Variants in OR4K1 observed in about 807,000 individuals in gnomAD.
OR4K1 encodes the protein olfactory receptor family 4 subfamily K member 1.
Under a neutral mutation model 14.4 loss-of-function variants are expected in OR4K1, and 16 were observed. That is an observed-to-expected ratio of 1.11 (90% CI 0.75 to 1.68). OR4K1 has a LOEUF of 1.68. OR4K1 is among the 40% of genes most tolerant of loss of function. The probability of loss-of-function intolerance (pLI) is 0.00; values close to 1 mark genes in which losing one functional copy is unlikely to be tolerated. For synonymous variants in OR4K1, 181 were observed against 133.1 expected, an observed-to-expected ratio of 1.36 and a Z score of -2.48; for missense variants, 548 against 376.9, an observed-to-expected ratio of 1.45 and a Z score of -3.76.
upstream of OR4K1, among the ~76,000 whole-genome samples, chr14:19,926,899 C>A (rs1188473166): frequency 6.6e-6 from 1 of 152,252 alleles, no homozygotes; most frequent in African/African-American, 2.4e-5. Context: ...CAACTGCTTA[C>A]TATTTAAAAA....
At position 19,936,658 on chromosome 14, in the gene OR4K1, A is replaced by G; in HGVS notation, c.*56A>G. 1 of 1,463,662 alleles carries G rather than the reference A, an allele frequency of 6.8e-7. No individual in the cohort carries two copies. The allele number at this position is 1,463,662 out of a possible 1,614,324, so 90.7% of individuals were successfully genotyped here. On this transcript the variant is annotated 3_prime_UTR_variant, in exon 2 of 2. Transcript: ENST00000641172. The stretch of plus-strand genomic sequence containing the variant: ...TAGAATGAAGACCCTCCAGTGTATC[A>G]TAGTGTCATGCCAACCATCTTTGCC...
rs1239516257 is a variant in OR4K1 at position 19,935,739 on chromosome 14, C to T, written c.73C>T (p.Leu25Phe). The T allele has an allele frequency of 6.2e-6, 10 of 1,613,768 alleles. No individual in the cohort carries two copies. The East Asian group carries it at 1.6e-4, about 25-fold the overall frequency. Residue 25 changes from leucine to phenylalanine, a missense_variant, in exon 2 of 2, where the codon CTT becomes TTT. Coordinates refer to ENST00000641172, the MANE Select transcript of OR4K1 (RefSeq NM_001004063.3). ...ACTCTCTAATTCCTGGGGACTTCAA[C>T]TTTTCTTTTTTGCCATCTTCTCTAT... ...LGLSNSWGLQ[L>F]FFFAIFSIVY...
chr14:19,927,724 C>A (rs1350482143), upstream of OR4K1, among the ~76,000 whole-genome samples: 2 of 152,340 alleles, frequency 1.3e-5, no homozygotes, highest in African/African-American at 2.4e-5. Context: ...CTGTATCACA[C>A]CCCTTCCTCT....
intron 1 of OR4K1, among the ~76,000 whole-genome samples, chr14:19,934,666 T>C (rs1468420249): frequency 6.6e-6 from 1 of 150,582 alleles, no homozygotes; most frequent in Non-Finnish European, 1.5e-5. Context: ...TCTTTTTTCT[T>C]CTTTTAACAT....
At chr14:19,920,494 A>G in the OR4K1 span, 1 of 1,355,882 alleles carries the variant, frequency 7.4e-7, no homozygotes, top group Non-Finnish European at 1.0e-6. Flanking sequence ...AATGCACATT[A>G]TATCTGAGAT....
At chr14:19,926,412 C>T (rs1882064777), upstream of OR4K1, among the ~76,000 whole-genome samples, 1 of 152,234 alleles carries the variant, frequency 6.6e-6, no homozygotes, top group Admixed American at 6.5e-5. Context: ...ACATTGAAGG[C>T]ATGCACTGAT....
At chr14:19,925,049 G>GTA in the OR4K1 span, among the ~76,000 whole-genome samples, 1 of 152,162 alleles carries the variant, frequency 6.6e-6, no homozygotes, top group Admixed American at 6.5e-5. Context: ...TAATAGGATA[G>GTA]TATTAAAAAT....
At chr14:19,920,963 CTATGACAGGTAT>C in the OR4K1 span, 3 of 1,614,028 alleles carry the variant, frequency 1.9e-6, no homozygotes, top group Non-Finnish European at 1.7e-6. Context: ...TTTCGATGGC[CTATGACAGGTAT>C]GTAGCCATAT....
the OR4K1 span, chr14:19,921,177 G>A: frequency 6.2e-7 from 1 of 1,614,136 alleles, no homozygotes; most frequent in Admixed American, 1.7e-5. Context: ...TGCCTGCCTG[G>A]ACTCTTACAT....
chr14:19,931,831 G>A (rs148439953), intron 1 of OR4K1, among the ~76,000 whole-genome samples: 1 of 152,358 alleles, frequency 6.6e-6, no homozygotes, highest in East Asian at 1.9e-4. Context: ...GCTTCTGGGT[G>A]CTCTGTGGAC....
the OR4K1 span, chr14:19,921,649 C>A: frequency 7.0e-7 from 1 of 1,430,082 alleles, no homozygotes; most frequent in Non-Finnish European, 9.5e-7. Context: ...TGGTGTATCT[C>A]AATTGTGGGG....
At position 19,935,839 on chromosome 14, in the gene OR4K1, C is replaced by T. The variant is rs1882298287; in HGVS notation, c.173C>T (p.Pro58Leu). The T allele has an allele frequency of 6.2e-7, 1 of 1,614,220 alleles. No individual in the cohort carries two copies. The highest frequency in any genetic ancestry group is 1.3e-5 in the African/African-American group (1 of 75,068). ...IISFDSHLNS[P>L]MYFLLSNLSF... is the part of the protein sequence containing the mutation. ...TCTTTTGACTCCCATTTGAACTCTCCTATGTACTTCTTGCTCAGTAATCTT... is the reference window on the plus strand; with the variant it reads ...TCTTTTGACTCCCATTTGAACTCTCTTATGTACTTCTTGCTCAGTAATCTT... Residue 58 changes from proline (P) to leucine (L), a missense_variant, in exon 2 of 2, where the codon CCT becomes CTT. Pro to Leu is a moderately conservative substitution (Grantham distance 98). Coordinates refer to ENST00000641172, the MANE Select transcript of OR4K1 (RefSeq NM_001004063.3).
the OR4K1 span, among the ~76,000 whole-genome samples, chr14:19,925,227 T>C: frequency 1.3e-5 from 2 of 152,208 alleles, no homozygotes; most frequent in Admixed American, 1.3e-4. Context: ...GTGTCTTGAG[T>C]TGGCTGTCAA....
At chr14:19,933,117 G>C (rs1882222956) in intron 1 of OR4K1, among the ~76,000 whole-genome samples, 1 of 151,524 alleles carries the variant, frequency 6.6e-6, no homozygotes, top group Non-Finnish European at 1.5e-5. Flanking sequence ...TTCAATTATG[G>C]AGTTTTTTTA....
upstream of OR4K1, among the ~76,000 whole-genome samples, chr14:19,929,478 A>AT (rs1378402756): frequency 4.7e-5 from 7 of 149,676 alleles, no homozygotes; most frequent in Admixed American, 2.7e-4. Context: ...AGCTTTTCTT[A>AT]TTTTTTTTGG....
intron 1 of OR4K1, among the ~76,000 whole-genome samples, chr14:19,933,364 A>G (rs1882228609): frequency 6.6e-6 from 1 of 152,186 alleles, no homozygotes; most frequent in Admixed American, 6.5e-5. Flanking sequence ...ATCTTTTTAA[A>G]TTCATAACTA....
chr14:19,930,007 CT>C (rs575247850), upstream of OR4K1, among the ~76,000 whole-genome samples: 40 of 152,262 alleles, frequency 2.6e-4, no homozygotes, highest in East Asian at 1.2e-3. Flanking sequence ...CAATCTTTAA[CT>C]TTTTTTCCCT....
At chr14:19,920,696 C>A in the OR4K1 span, 3 of 1,613,946 alleles carry the variant, frequency 1.9e-6, no homozygotes, top group Non-Finnish European at 2.5e-6. Context: ...ATTTTTGTTT[C>A]TTCTCTGTGT....
chr14:19,924,399 T>G, the OR4K1 span, among the ~76,000 whole-genome samples: 1 of 5,502 alleles, frequency 1.8e-4, no homozygotes, highest in African/African-American at 1.1e-3. Context: ...AAACTCCGTA[T>G]CAAAAAAAAA....
Sources: gnomAD v4.1 joint callset for allele counts (sites outside exome capture counted in the v4.1 genomes callset) on GRCh38, gnomAD v4.1.1 for gene constraint, MANE v1.5 for transcripts, NCBI Gene and HGNC (gene_info 2026-07-23, HGNC 2026-07-21) for gene names.